Variants in DKK2 observed in about 807,000 individuals in gnomAD.
DKK2 encodes dickkopf Wnt signaling pathway inhibitor 2, also known as dickkopf-related protein 2.
Under a neutral mutation model 28.1 loss-of-function variants are expected in DKK2, and 11 were observed. That is an observed-to-expected ratio of 0.39 (90% CI 0.25 to 0.65). The LOEUF is 0.65. Ranked by LOEUF, DKK2 falls within the 30% of genes least tolerant of loss-of-function variation. The pLI is 0.47. For synonymous variants in DKK2, 135 were observed against 126.5 expected (o/e 1.07, Z -0.45); for missense variants, 326 against 335.5 (o/e 0.97, Z 0.22).
In DKK2 at chr4:106,924,571, G is replaced by T. The variant is rs781718513; in HGVS notation, c.503C>A (p.Pro168Gln). 11 of 1,613,556 alleles carry T rather than the reference G, an allele frequency of 6.8e-6. No individual in the cohort carries two copies. The highest frequency in any genetic ancestry group is 4.0e-5 in the African/African-American group (3 of 74,860). ...HDLGWQNLGR[P>Q]HTKMSHIKGH... ...TTTTATATGTGACATCTTAGTGTGT[G>T]GTCTTCCTAGATTCTGCCATCCCAA... Residue 168 changes from proline (P) to glutamine (Q), a missense_variant, in exon 3 of 4, where the codon CCA becomes CAA. Physicochemically the swap from Pro to Gln is moderately conservative, Grantham distance 76. Coordinates refer to ENST00000285311, the MANE Select transcript of DKK2 (RefSeq NM_014421.3).
At chr4:107,021,234 T>A (rs2110373485) in intron 1 of DKK2, among the ~76,000 whole-genome samples, 1 of 152,120 alleles carries the variant, frequency 6.6e-6, no homozygotes, top group Admixed American at 6.6e-5. Flanking sequence ...GGTACTTTGT[T>A]CATGGAAACA....
intron 1 of DKK2, among the ~76,000 whole-genome samples, chr4:107,014,753 C>A (rs1723567398): frequency 6.6e-6 from 1 of 151,366 alleles, no homozygotes; most frequent in Admixed American, 6.6e-5. Context: ...TCACACTGTA[C>A]CTCATAAACA....
At chr4:107,020,278 A>T (rs895146249) in intron 1 of DKK2, among the ~76,000 whole-genome samples, 3 of 152,068 alleles carry the variant, frequency 2.0e-5, no homozygotes, top group African/African-American at 7.2e-5. Context: ...AAAGACCAAA[A>T]ATGTTACAAT....
intron 1 of DKK2, among the ~76,000 whole-genome samples, chr4:106,936,610 A>G (rs1337682180): frequency 1.3e-5 from 2 of 152,230 alleles, no homozygotes; most frequent in African/African-American, 4.8e-5. Context: ...CAGGAAATAC[A>G]GAGAATGCCA....
intron 1 of DKK2, among the ~76,000 whole-genome samples, chr4:106,996,129 G>T (rs1259931966): frequency 6.6e-6 from 1 of 152,168 alleles, no homozygotes; most frequent in Non-Finnish European, 1.5e-5. Context: ...AAGTCAAAGA[G>T]AATTGTATTG....
rs531661420 is a variant in DKK2 at position 106,933,714 on chromosome 4, A to G, written c.223-7765T>C. On this transcript the variant is annotated intron_variant, in intron 1 of 3. Transcript: ENST00000285311. ...GCTTTTATTATATGCTCTTCTTTGT[A>G]TAGCATCACCTTTCTCTTTTCCAAT... Among the ~76,000 whole-genome samples, 16 of 152,298 alleles carry G rather than the reference A, an allele frequency of 1.1e-4. No individual in the cohort carries two copies. The South Asian group carries it at 2.7e-3, about 26-fold the overall frequency.
intron 1 of DKK2, among the ~76,000 whole-genome samples, chr4:106,934,021 C>T (rs1414964621): frequency 6.8e-6 from 1 of 147,802 alleles, no homozygotes; most frequent in African/African-American, 2.5e-5. Flanking sequence ...TACATATATA[C>T]ACACACTATA....
intron 1 of DKK2, among the ~76,000 whole-genome samples, chr4:106,996,122 T>A (rs1723269092): frequency 6.6e-6 from 1 of 152,202 alleles, no homozygotes; most frequent in Non-Finnish European, 1.5e-5. Context: ...GCAATGAAAG[T>A]CAAAGAGAAT....
intron 1 of DKK2, among the ~76,000 whole-genome samples, chr4:106,955,576 C>A (rs541575890): frequency 6.6e-6 from 1 of 152,220 alleles, no homozygotes; most frequent in Admixed American, 6.5e-5. Flanking sequence ...CACAGTCTCC[C>A]TTTTCACACC....
chr4:107,003,848 C>T (rs1723398384), intron 1 of DKK2, among the ~76,000 whole-genome samples: 1 of 152,096 alleles, frequency 6.6e-6, no homozygotes, highest in South Asian at 2.1e-4. Context: ...AATAAGATCC[C>T]CAGGTAATTT....
Position 106,923,376 on chromosome 4 carries a change from CT to C in DKK2, c.*577del, listed in dbSNP as rs1724377387. 1 of 152,156 alleles carries C rather than the reference CT, an allele frequency of 6.6e-6. No homozygotes were observed. Among genetic ancestry groups the C allele is most frequent in the Non-Finnish European group, 1.5e-5 (1 of 68,058 alleles). The allele number at this position is 152,156 out of a possible 1,614,324, so 9.4% of individuals were successfully genotyped here. A position where few individuals can be genotyped will look rare whatever the true frequency, so the allele number is the denominator to read the frequency against. On this transcript the variant is annotated 3_prime_UTR_variant, in exon 4 of 4. Transcript: ENST00000285311. ...TTTTGCAATTATTTGGAAATATTGA[CT>C]GATTTTTTTCTTATCTACCAAGACT...
chr4:106,937,074 C>T lies in DKK2; in HGVS notation c.223-11125G>A, dbSNP rs1427668165. On this transcript the variant is annotated intron_variant, in intron 1 of 3. Transcript: ENST00000285311. ...CTGCATCAACTAATGAGCAAAATAA[C>T]CAGCTAACATCATAATGACCGGATC... is the stretch of plus-strand genomic sequence containing the variant. Among the ~76,000 whole-genome samples the T allele has an allele frequency of 2.0e-5, 3 of 151,964 alleles. No homozygotes were observed. In the East Asian group the frequency reaches 5.8e-4, roughly 29 times the overall value.
chr4:106,934,016 AT>A (rs1465763433), intron 1 of DKK2, among the ~76,000 whole-genome samples: 1 of 151,190 alleles, frequency 6.6e-6, no homozygotes, highest in African/African-American at 2.4e-5. Context: ...ATATATACAT[AT>A]ATACACACAC....
Position 106,923,000 on chromosome 4 carries a change from C to T in DKK2, c.*954G>A, listed in dbSNP as rs419764. ...TTACCAATCTAATTCTATCAAAATACAGGTTATGGCCAATCTTTAAGAAAT... is the reference window on the plus strand; with the variant it reads ...TTACCAATCTAATTCTATCAAAATATAGGTTATGGCCAATCTTTAAGAAAT... On this transcript the variant is annotated 3_prime_UTR_variant, in exon 4 of 4. Transcript: ENST00000285311. 0.35 allele frequency: 53,392 copies of T among 152,012 alleles called. 9,690 individuals are homozygous for T. Among genetic ancestry groups the T allele is most frequent in the African/African-American group, 0.43 (17,977 of 41,440 alleles). The allele number at this position is 152,012 out of a possible 1,614,324, so 9.4% of individuals were successfully genotyped here.
At chr4:106,947,591 C>T (rs79136367) in intron 1 of DKK2, among the ~76,000 whole-genome samples, 3,794 of 151,894 alleles carry the variant, frequency 0.025, 59 homozygotes, top group Non-Finnish European at 0.037. Flanking sequence ...GGCAAAGAAC[C>T]TTTGTACATA....
At chr4:106,998,073 AC>A (rs1016583034) in intron 1 of DKK2, among the ~76,000 whole-genome samples, 2 of 152,160 alleles carry the variant, frequency 1.3e-5, no homozygotes, top group Non-Finnish European at 2.9e-5. Context: ...TATATGAAAC[AC>A]CCTTTTTGTG....
intron 1 of DKK2, among the ~76,000 whole-genome samples, chr4:107,003,718 T>A (rs1318725108): frequency 2.6e-5 from 4 of 152,190 alleles, no homozygotes; most frequent in Admixed American, 6.5e-5. Flanking sequence ...CAGCAACATA[T>A]CATCAGTAGT....
intron 1 of DKK2, among the ~76,000 whole-genome samples, chr4:106,983,002 GAA>G (rs967190956): frequency 3.1e-5 from 4 of 130,600 alleles, no homozygotes; most frequent in Admixed American, 2.4e-4. Context: ...GAAAAGAAAA[GAA>G]AAAGAGAGAA....
chr4:106,923,203 T>A lies in DKK2; in HGVS notation c.*751A>T, dbSNP rs1488660072. The A allele has an allele frequency of 2.0e-5, 3 of 152,220 alleles. No individual in the cohort carries two copies. Among genetic ancestry groups the A allele is most frequent in the African/African-American group, 7.2e-5 (3 of 41,466 alleles). 9.4% of individuals were successfully genotyped at this position (152,220 alleles called of 1,614,324 possible). The stretch of plus-strand genomic sequence containing the variant: ...TAGGATAAAGAGAGATATACTGTCA[T>A]TCCGTAGAATCTGAAGGAACTGTTT... On this transcript the variant is annotated 3_prime_UTR_variant, in exon 4 of 4. Transcript: ENST00000285311.
Sources: allele counts gnomAD v4.1 joint callset (sites outside exome capture counted in the v4.1 genomes callset), GRCh38; gene constraint gnomAD v4.1.1; transcripts MANE v1.5; gene names NCBI Gene and HGNC (gene_info 2026-07-23, HGNC 2026-07-21).